The following LRRC63 variants were observed in gnomAD, a reference collection of about 807,000 sequenced individuals.
LRRC63 encodes the protein leucine rich repeat containing 63, also known as leucine-rich repeat-containing protein 63.
In LRRC63, 40 loss-of-function variants were observed where a neutral mutation model predicts 49.5. The ratio of observed to expected loss-of-function variants is 0.81; its 90% CI spans 0.63 to 1.05. The LOEUF (loss-of-function observed/expected upper bound fraction) is 1.05, where lower values mean the gene tolerates loss of function less well. Among genes scored for constraint, LRRC63 ranks in the 50% least tolerant of loss-of-function variants. LRRC63 has a pLI of 0.00. For synonymous variants in LRRC63, 191 were observed against 221.1 expected (o/e 0.86, Z 1.21); for missense variants, 636 against 663.1 (o/e 0.96, Z 0.45).
At chr13:46,224,813 G>A (rs971696153) in intron 2 of LRRC63, among the ~76,000 whole-genome samples, 1 of 152,202 alleles carries the variant, frequency 6.6e-6, no homozygotes, top group Non-Finnish European at 1.5e-5. Flanking sequence ...TGTAGTCTCT[G>A]TATGATTTCT....
chr13:46,263,922 G>C (rs1341266868), intron 8 of LRRC63, among the ~76,000 whole-genome samples: 1 of 152,066 alleles, frequency 6.6e-6, no homozygotes, highest in African/African-American at 2.4e-5. Flanking sequence ...TGGCTGTTTA[G>C]CGTTTTTCCT....
At chr13:46,248,650 T>C (rs1029697453) in intron 6 of LRRC63, among the ~76,000 whole-genome samples, 3 of 151,830 alleles carry the variant, frequency 2.0e-5, no homozygotes, top group African/African-American at 7.2e-5. Flanking sequence ...ACCAAAGGAA[T>C]TGGAGGAATA....
rs1188459022 is a variant in LRRC63, at chr13:46,213,136, GAT to G, written c.85+20_85+21del. On this transcript the variant is annotated intron_variant, in intron 2 of 9. Coordinates refer to ENST00000595396, the Ensembl canonical transcript of LRRC63. Reference sequence around the variant, plus strand: ...CCCATACAGGTATGTGTATTAATCAGATATGTGTATTAACATTTATGTATCTT... The same window carrying G: ...CCCATACAGGTATGTGTATTAATCAGATGTGTATTAACATTTATGTATCTT... 1.4e-6 allele frequency: 2 copies of G among 1,440,876 alleles called. No homozygotes were observed. Among genetic ancestry groups the G allele is most frequent in the African/African-American group, 2.9e-5 (2 of 69,968 alleles). The allele number at this position is 1,440,876 out of a possible 1,614,324, so 89.3% of individuals were successfully genotyped here. A position where few individuals can be genotyped will look rare whatever the true frequency, so the allele number is the denominator to read the frequency against.
intron 7 of LRRC63, among the ~76,000 whole-genome samples, chr13:46,255,148 T>A (rs2138547348): frequency 6.6e-6 from 1 of 152,110 alleles, no homozygotes; most frequent in Middle Eastern, 3.4e-3. Context: ...TTATGCTAGG[T>A]GGAATAAGTC....
rs66994107 is a variant in LRRC63, at chr13:46,273,601, TAAA to T, written c.1551-2972_1551-2970del. 5.8e-4 allele frequency among the ~76,000 whole-genome samples: 63 copies of T among 109,456 alleles called. 1 individual carries two copies. Among genetic ancestry groups the T allele is most frequent in the African/African-American group, 1.8e-3 (52 of 28,876 alleles). 71.8% of individuals were successfully genotyped at this position (109,456 alleles called of 152,430 possible). On this transcript the variant is annotated intron_variant, in intron 9 of 9. Coordinates refer to ENST00000595396, the Ensembl canonical transcript of LRRC63. ...TGGGCAACAGAGTGAGAATCTGCCT[TAAA>T]AAAAAAAAAAAAAAAAGAGTAGCGG...
intron 1 of LRRC63, among the ~76,000 whole-genome samples, chr13:46,212,727 A>G (rs9669897): frequency 0.025 from 3,874 of 152,332 alleles, 156 homozygotes; most frequent in African/African-American, 0.087. Flanking sequence ...TTGTACTAAC[A>G]TGGAAAATTG....
intron 7 of LRRC63, among the ~76,000 whole-genome samples, chr13:46,257,708 T>C (rs2047537341): frequency 6.6e-6 from 1 of 152,192 alleles, no homozygotes; most frequent in African/African-American, 2.4e-5. Context: ...TAACAGTATT[T>C]TATTAAATAA....
chr13:46,273,667 C>CT (rs1594103834), intron 9 of LRRC63, among the ~76,000 whole-genome samples: 1 of 149,190 alleles, frequency 6.7e-6, no homozygotes, highest in East Asian at 2.0e-4. Context: ...AATCTCAACA[C>CT]TTTGGGAGGT....
intron 7 of LRRC63, among the ~76,000 whole-genome samples, chr13:46,260,567 C>T (rs1321875087): frequency 6.6e-6 from 1 of 152,038 alleles, no homozygotes; most frequent in Non-Finnish European, 1.5e-5. Flanking sequence ...GTTTATTGCA[C>T]GATGTGATGG....
intron 9 of LRRC63, among the ~76,000 whole-genome samples, chr13:46,267,635 A>G (rs1464031859): frequency 1.3e-5 from 2 of 152,238 alleles, no homozygotes; most frequent in African/African-American, 2.4e-5. Context: ...CAGAAAACCT[A>G]AACAGCCTAG....
At chr13:46,255,403 C>T (rs1016648157) in intron 7 of LRRC63, among the ~76,000 whole-genome samples, 4 of 152,012 alleles carry the variant, frequency 2.6e-5, no homozygotes, top group Non-Finnish European at 2.9e-5. Context: ...CTGAATGGCA[C>T]ACTTAACAAT....
chr13:46,235,349 A>G (rs2046874295), intron 5 of LRRC63, among the ~76,000 whole-genome samples: 1 of 152,192 alleles, frequency 6.6e-6, no homozygotes. Flanking sequence ...AGACTTCACA[A>G]AAAAAGTTTA....
At chr13:46,266,477 T>C (rs1379874975) in intron 8 of LRRC63, among the ~76,000 whole-genome samples, 2 of 152,258 alleles carry the variant, frequency 1.3e-5, no homozygotes, top group Admixed American at 1.3e-4. Flanking sequence ...TTTTCCATAG[T>C]GATGACATAT....
At chr13:46,231,383 C>T (rs1217721828) in intron 4 of LRRC63, among the ~76,000 whole-genome samples, 1 of 152,182 alleles carries the variant, frequency 6.6e-6, no homozygotes. Flanking sequence ...TTATGGCATT[C>T]CCTTGGCTTT....
chr13:46,218,528 A>G (rs2046318411), intron 2 of LRRC63, among the ~76,000 whole-genome samples: 1 of 152,038 alleles, frequency 6.6e-6, no homozygotes, highest in Non-Finnish European at 1.5e-5. Context: ...TGAATACAGC[A>G]CATTGATGGG....
At chr13:46,212,958 A>G (rs2138327784) in intron 1 of LRRC63, 44 bp from the exon 2 acceptor site, 3 of 953,772 alleles carry the variant, frequency 3.1e-6, no homozygotes, top group Non-Finnish European at 4.8e-6. Flanking sequence ...TTTTTCAACA[A>G]TTCAAACATA....
At chr13:46,228,051 T>C (rs2046629998) in exon 3 of LRRC63, 1 of 1,550,946 alleles carries the variant, frequency 6.4e-7, no homozygotes, top group Admixed American at 2.0e-5. Context: ...TATGACTGTA[T>C]CTATGAAACC....
intron 7 of LRRC63, among the ~76,000 whole-genome samples, chr13:46,258,807 CA>C (rs11451920): frequency 0.031 from 2,781 of 89,966 alleles, 39 homozygotes; most frequent in Admixed American, 0.068. Context: ...GACTCTGTCT[CA>C]AAAAAAAAAA....
intron 9 of LRRC63, among the ~76,000 whole-genome samples, chr13:46,272,561 CTTGGAAGGCAAT>C (rs2047774643): frequency 6.6e-6 from 1 of 152,158 alleles, no homozygotes; most frequent in Non-Finnish European, 1.5e-5. Flanking sequence ...GTGAAAGCTT[CTTGGAAGGCAAT>C]TTGACAGTTT....
Sources: allele counts gnomAD v4.1 joint callset (sites outside exome capture counted in the v4.1 genomes callset), GRCh38; gene constraint gnomAD v4.1.1; transcripts MANE v1.5; gene names NCBI Gene and HGNC (gene_info 2026-07-23, HGNC 2026-07-21).